GALNTL6: variants seen among roughly 807,000 people sequenced by gnomAD.
The protein encoded by GALNTL6 is polypeptide N-acetylgalactosaminyltransferase like 6.
GALNTL6 carries 46 observed loss-of-function variants against 73.7 expected under a neutral mutation model. The ratio of observed to expected loss-of-function variants is 0.62; its 90% confidence interval spans 0.49 to 0.80. The LOEUF is 0.80. Among genes scored for constraint, GALNTL6 ranks in the 30% least tolerant of loss-of-function variants. The pLI, the probability that GALNTL6 is intolerant of heterozygous loss-of-function variation, is 0.00. For missense variants in GALNTL6, 604 were observed against 755.0 expected (o/e 0.80, Z 2.34); for synonymous variants, 259 against 263.7 (o/e 0.98, Z 0.17).
At chr4:172,565,804 T>A (rs1736533445) in intron 5 of GALNTL6, among the ~76,000 whole-genome samples, 1 of 152,200 alleles carries the variant, frequency 6.6e-6, no homozygotes, top group South Asian at 2.1e-4. Context: ...TTGCTTATAC[T>A]CTCTATTTCT....
chr4:172,764,933 C>T (rs1738320209), intron 5 of GALNTL6, among the ~76,000 whole-genome samples: 1 of 152,284 alleles, frequency 6.6e-6, no homozygotes, highest in African/African-American at 2.4e-5. Context: ...TTAGGAAGAA[C>T]TTTGTGAAGA....
chr4:171,988,482 G>T (rs1273847329), intron 2 of GALNTL6, among the ~76,000 whole-genome samples: 1 of 152,132 alleles, frequency 6.6e-6, no homozygotes, highest in Non-Finnish European at 1.5e-5. Context: ...CTGGGATGAA[G>T]GGTGCAAAGG....
chr4:172,834,757 C>T (rs1187889066), intron 7 of GALNTL6, among the ~76,000 whole-genome samples: 1 of 152,190 alleles, frequency 6.6e-6, no homozygotes, highest in African/African-American at 2.4e-5. Context: ...GGCCATTGGC[C>T]GCTTTCCTCC....
chr4:171,845,358 G>A (rs1220657913), intron 2 of GALNTL6, among the ~76,000 whole-genome samples: 2 of 152,144 alleles, frequency 1.3e-5, no homozygotes, highest in African/African-American at 4.8e-5. Flanking sequence ...AACTTGAAAT[G>A]ATGTGGAGAC....
chr4:172,266,738 A>G (rs938319357), intron 3 of GALNTL6, among the ~76,000 whole-genome samples: 5 of 151,972 alleles, frequency 3.3e-5, no homozygotes, highest in African/African-American at 1.2e-4. Flanking sequence ...TTCCATTTTT[A>G]TGGCATTTTG....
At chr4:172,666,593 C>G (rs1339814584) in intron 5 of GALNTL6, among the ~76,000 whole-genome samples, 1 of 152,132 alleles carries the variant, frequency 6.6e-6, no homozygotes, top group Non-Finnish European at 1.5e-5. Context: ...GTTATTGACC[C>G]TTGTAGTCAA....
intron 12 of GALNTL6, among the ~76,000 whole-genome samples, chr4:173,029,346 C>A (rs1235621470): frequency 6.6e-6 from 1 of 152,156 alleles, no homozygotes; most frequent in Non-Finnish European, 1.5e-5. Flanking sequence ...AATATTTGAA[C>A]AAATACCTGC....
intron 2 of GALNTL6, among the ~76,000 whole-genome samples, chr4:172,143,746 A>C (rs1324616006): frequency 6.6e-6 from 1 of 151,974 alleles, no homozygotes; most frequent in African/African-American, 2.4e-5. Context: ...GGTTACCATG[A>C]GTCATCTTAT....
chr4:172,209,249 G>T (rs1246544869), intron 2 of GALNTL6, among the ~76,000 whole-genome samples: 1 of 151,990 alleles, frequency 6.6e-6, no homozygotes, highest in African/African-American at 2.4e-5. Context: ...GATTCTATGA[G>T]ATATTTTAGC....
chr4:171,874,742 C>G (rs7676573), intron 2 of GALNTL6, among the ~76,000 whole-genome samples: 1 of 152,180 alleles, frequency 6.6e-6, no homozygotes, highest in South Asian at 2.1e-4. Flanking sequence ...AGAAACAAAC[C>G]AACCCAAGAA....
At chr4:172,578,519 C>T (rs1289884178) in intron 5 of GALNTL6, among the ~76,000 whole-genome samples, 1 of 152,198 alleles carries the variant, frequency 6.6e-6, no homozygotes, top group Non-Finnish European at 1.5e-5. Context: ...AGGAATGTCT[C>T]CAGAAATTGT....
intron 2 of GALNTL6, among the ~76,000 whole-genome samples, chr4:172,155,890 C>A (rs1054475929): frequency 1.3e-5 from 2 of 151,900 alleles, no homozygotes; most frequent in African/African-American, 4.8e-5. Context: ...TAGTAGTAAG[C>A]TTTTTAAATG....
intron 5 of GALNTL6, among the ~76,000 whole-genome samples, chr4:172,363,311 T>A (rs1259166119): frequency 1.3e-5 from 2 of 152,158 alleles, no homozygotes; most frequent in African/African-American, 4.8e-5. Flanking sequence ...GAGAATAACA[T>A]CTTCAGCCCA....
chr4:172,993,334 C>T (rs986175095), intron 10 of GALNTL6, among the ~76,000 whole-genome samples: 3 of 152,232 alleles, frequency 2.0e-5, no homozygotes, highest in Admixed American at 6.5e-5. Context: ...GAGGCCAAAT[C>T]CTGCTGACAC....
At chr4:172,122,216 C>T (rs973983141) in intron 2 of GALNTL6, among the ~76,000 whole-genome samples, 4 of 151,660 alleles carry the variant, frequency 2.6e-5, no homozygotes, top group Admixed American at 2.6e-4. Context: ...CATCTCATAG[C>T]TCAGGTTCAG....
chr4:172,524,438 A>T (rs1364299940), intron 5 of GALNTL6, among the ~76,000 whole-genome samples: 1 of 152,074 alleles, frequency 6.6e-6, no homozygotes, highest in Admixed American at 6.6e-5. Context: ...TTTAGTAAAG[A>T]CAGGGTTTCA....
intron 2 of GALNTL6, among the ~76,000 whole-genome samples, chr4:172,043,392 T>C (rs144565054): frequency 7.0e-4 from 106 of 152,064 alleles, no homozygotes; most frequent in African/African-American, 2.3e-3. Context: ...GGAAAACTGA[T>C]AAGATATGAT....
At chr4:172,400,382 C>T (rs971636300) in intron 5 of GALNTL6, among the ~76,000 whole-genome samples, 1 of 152,052 alleles carries the variant, frequency 6.6e-6, no homozygotes, top group African/African-American at 2.4e-5. Context: ...AGACAAGGAT[C>T]TAACAGAAAA....
intron 3 of GALNTL6, among the ~76,000 whole-genome samples, chr4:172,249,832 C>G (rs1406339792): frequency 6.6e-6 from 1 of 152,172 alleles, no homozygotes; most frequent in Non-Finnish European, 1.5e-5. Context: ...ATGGAAACAC[C>G]TGGACATCCA....
Sources: allele counts gnomAD v4.1 joint callset (sites outside exome capture counted in the v4.1 genomes callset), GRCh38; gene constraint gnomAD v4.1.1; transcripts MANE v1.5; gene names NCBI Gene and HGNC (gene_info 2026-07-23, HGNC 2026-07-21).